SAMD5: variants seen among roughly 807,000 people sequenced by gnomAD.
The protein encoded by SAMD5 is sterile alpha motif domain containing 5, also known as sterile alpha motif domain-containing protein 5.
In SAMD5, 13 loss-of-function variants were observed where a neutral mutation model predicts 11.3. That is an observed-to-expected ratio of 1.15 (90% CI 0.75 to 1.83). The LOEUF (loss-of-function observed/expected upper bound fraction) is 1.83. Among genes scored for constraint, SAMD5 ranks in the 40% most tolerant of loss-of-function variants. The pLI is 0.00. For synonymous variants in SAMD5, 129 were observed against 111.3 expected, an observed-to-expected ratio of 1.16 and a Z score of -1.00; for missense variants, 255 against 239.1, an observed-to-expected ratio of 1.07 and a Z score of -0.44.
At chr6:147,783,481 C>T in the SAMD5 span, among the ~76,000 whole-genome samples, 3 of 152,048 alleles carry the variant, frequency 2.0e-5, no homozygotes, top group Non-Finnish European at 2.9e-5. Context: ...GCAACCTCCA[C>T]CTCCTGGGTT....
chr6:147,810,051 T>G, the SAMD5 span, among the ~76,000 whole-genome samples: 1,267 of 152,358 alleles, frequency 8.3e-3, 14 homozygotes, highest in African/African-American at 0.029. Flanking sequence ...TGTAACCATT[T>G]TTTTGGTATC....
the SAMD5 span, among the ~76,000 whole-genome samples, chr6:147,869,899 A>G: frequency 6.6e-6 from 1 of 152,080 alleles, no homozygotes; most frequent in Non-Finnish European, 1.5e-5. Context: ...TTAGAGACTT[A>G]GAGACGGGGT....
chr6:147,871,907 T>C, the SAMD5 span, among the ~76,000 whole-genome samples: 1 of 152,308 alleles, frequency 6.6e-6, no homozygotes, highest in South Asian at 2.1e-4. Context: ...TCTGTAACTC[T>C]CTTTCTTCAA....
the SAMD5 span, among the ~76,000 whole-genome samples, chr6:147,876,385 A>C: frequency 6.6e-6 from 1 of 152,178 alleles, no homozygotes; most frequent in Non-Finnish European, 1.5e-5. Flanking sequence ...TGCAAGAAGC[A>C]CTTACTAAAA....
rs189496163 is a variant in SAMD5 at position 147,529,312 on chromosome 6, C to T, written c.459+19925C>T. On this transcript the variant is annotated intron_variant, in intron 1 of 1. Coordinates refer to ENST00000367474, the MANE Select transcript of SAMD5 (RefSeq NM_001030060.3). ...ATATTATAAATATTGTTCTTCTAACCTTATCAATTAAGACATAGATTTTAT... is the reference window on the plus strand; with the variant it reads ...ATATTATAAATATTGTTCTTCTAACTTTATCAATTAAGACATAGATTTTAT... Among the ~76,000 whole-genome samples the T allele has an allele frequency of 1.1e-3, 165 of 152,110 alleles. 2 individuals are homozygous for T. The highest frequency in any genetic ancestry group is 1.2e-3 in the Non-Finnish European group (80 of 67,990).
intron 1 of SAMD5, among the ~76,000 whole-genome samples, chr6:147,530,829 A>T (rs754845781): frequency 6.6e-6 from 1 of 152,192 alleles, no homozygotes; most frequent in African/African-American, 2.4e-5. Flanking sequence ...CATTTTGCGT[A>T]ATCAGCCTTC....
At chr6:147,760,637 G>T in the SAMD5 span, among the ~76,000 whole-genome samples, 1 of 152,302 alleles carries the variant, frequency 6.6e-6, no homozygotes, top group East Asian at 1.9e-4. Flanking sequence ...TGAGAGCACT[G>T]ATGTTGAATT....
At chr6:147,829,333 C>G in the SAMD5 span, among the ~76,000 whole-genome samples, 4 of 152,160 alleles carry the variant, frequency 2.6e-5, no homozygotes, top group African/African-American at 9.7e-5. Flanking sequence ...GACTCTGCCC[C>G]CTGGATAGAG....
intron 1 of SAMD5, among the ~76,000 whole-genome samples, chr6:147,722,914 T>C (rs1025380795): frequency 3.3e-5 from 5 of 152,236 alleles, no homozygotes; most frequent in African/African-American, 1.2e-4. Flanking sequence ...AATCTTTGTG[T>C]TTCTTGGACT....
At chr6:147,766,714 T>C in the SAMD5 span, among the ~76,000 whole-genome samples, 2 of 152,136 alleles carry the variant, frequency 1.3e-5, no homozygotes, top group East Asian at 1.9e-4. Context: ...TATATGGGAT[T>C]TGTGAAATCA....
At chr6:147,720,441 C>T (rs796176087) in intron 1 of SAMD5, among the ~76,000 whole-genome samples, 5 of 145,556 alleles carry the variant, frequency 3.4e-5, no homozygotes, top group Non-Finnish European at 3.0e-5. Context: ...CCAGCCTGGG[C>T]GACAGAGCGA....
the SAMD5 span, among the ~76,000 whole-genome samples, chr6:147,921,985 C>T: frequency 6.6e-6 from 1 of 152,162 alleles, no homozygotes; most frequent in Admixed American, 6.5e-5. Flanking sequence ...GATACTGGAA[C>T]ACACGATGGA....
chr6:147,932,278 C>T, the SAMD5 span, among the ~76,000 whole-genome samples: 2 of 152,130 alleles, frequency 1.3e-5, no homozygotes, highest in South Asian at 2.1e-4. Context: ...GAGCTGGGTC[C>T]TAGGGTATCC....
At chr6:147,796,335 A>G in the SAMD5 span, among the ~76,000 whole-genome samples, 188 of 152,022 alleles carry the variant, frequency 1.2e-3, 3 homozygotes, top group East Asian at 0.028. Flanking sequence ...TCCTTTCCCT[A>G]TTGCTTGTTT....
At chr6:147,920,964 A>C in the SAMD5 span, among the ~76,000 whole-genome samples, 1 of 152,248 alleles carries the variant, frequency 6.6e-6, no homozygotes, top group East Asian at 1.9e-4. Context: ...TTTTACAAAT[A>C]GAGGAAAACA....
At chr6:147,899,858 C>T in the SAMD5 span, among the ~76,000 whole-genome samples, 1 of 152,144 alleles carries the variant, frequency 6.6e-6, no homozygotes, top group Non-Finnish European at 1.5e-5. Context: ...ATTATTCACA[C>T]CAAGTTGTAA....
chr6:147,642,848 C>G (rs1401462985), intron 1 of SAMD5, among the ~76,000 whole-genome samples: 3 of 152,156 alleles, frequency 2.0e-5, no homozygotes, highest in Non-Finnish European at 4.4e-5. Context: ...TTCTCTCCTG[C>G]CTGGGGTGCA....
the SAMD5 span, chr6:147,953,590 C>A: frequency 6.6e-6 from 1 of 152,146 alleles, no homozygotes; most frequent in Admixed American, 6.5e-5. Flanking sequence ...TCCAATTCTG[C>A]CTATTTTTGA....
At chr6:147,599,622 C>A (rs1460415937) in intron 1 of SAMD5, among the ~76,000 whole-genome samples, 2 of 152,054 alleles carry the variant, frequency 1.3e-5, no homozygotes, top group African/African-American at 2.4e-5. Context: ...CCTCAGCATT[C>A]GACTTGGATG....
Sources: allele counts gnomAD v4.1 joint callset (sites outside exome capture counted in the v4.1 genomes callset), GRCh38; gene constraint gnomAD v4.1.1; transcripts MANE v1.5; gene names NCBI Gene and HGNC (gene_info 2026-07-23, HGNC 2026-07-21).